CNTN6: variants seen among roughly 807,000 people sequenced by gnomAD.
The protein encoded by CNTN6 is contactin 6.
In CNTN6, 137 loss-of-function variants were observed where a neutral mutation model predicts 122.8. That is an observed-to-expected ratio of 1.12 (90% CI 0.97 to 1.29). The LOEUF (loss-of-function observed/expected upper bound fraction) is 1.29. Among genes scored for constraint, CNTN6 ranks in the 50% most tolerant of loss-of-function variants. The pLI is 0.00. For synonymous variants in CNTN6, 570 were observed against 426.0 expected (o/e 1.34, Z -4.16); for missense variants, 1,634 against 1,223.4 (o/e 1.34, Z -5.01).
chr3:1,110,213 G>C (rs544596162), intron 1 of CNTN6, among the ~76,000 whole-genome samples: 1 of 152,120 alleles, frequency 6.6e-6, no homozygotes, highest in Admixed American at 6.6e-5. Flanking sequence ...GTCAGAAGAA[G>C]AGAATTGCTT....
chr3:1,252,858 G>A (rs1000400827), intron 4 of CNTN6, among the ~76,000 whole-genome samples: 2 of 152,080 alleles, frequency 1.3e-5, no homozygotes, highest in African/African-American at 2.4e-5. Context: ...TTCAGGCTGG[G>A]CCACTGTAAA....
intron 2 of CNTN6, among the ~76,000 whole-genome samples, chr3:1,188,230 G>A (rs1203534661): frequency 3.3e-5 from 5 of 152,118 alleles, no homozygotes; most frequent in Non-Finnish European, 7.3e-5. Context: ...CCCAGAACTG[G>A]AGGGGAATGC....
chr3:1,237,379 G>T (rs190246861), intron 4 of CNTN6, among the ~76,000 whole-genome samples: 1 of 152,080 alleles, frequency 6.6e-6, no homozygotes, highest in African/African-American at 2.4e-5. Context: ...AATGAGCAAA[G>T]CTTCCAAGAA....
chr3:1,368,143 A>T (rs1708497497), intron 12 of CNTN6, among the ~76,000 whole-genome samples: 1 of 152,214 alleles, frequency 6.6e-6, no homozygotes, highest in Admixed American at 6.5e-5. Flanking sequence ...GCTTTGGGGA[A>T]ACCAATAATT....
In CNTN6 at chr3:1,403,415, C is replaced by G; in HGVS notation, c.3084C>G (p.Ile1028Met). The G allele has an allele frequency of 1.9e-6, 3 of 1,584,752 alleles. No homozygotes were observed. Among genetic ancestry groups the G allele is most frequent in the Non-Finnish European group, 2.6e-6 (3 of 1,154,746 alleles). The change falls in exon 23 of 23, where the codon ATC (isoleucine) becomes ATG (methionine). Residue 1028 changes from isoleucine to methionine, a missense_variant. By Grantham distance (10) the Ile-to-Met change is conservative. Coordinates refer to ENST00000446702, the MANE Select transcript of CNTN6 (RefSeq NM_001289080.2). ...ACTGTTTTGCTATTCAGCCACTTAT[C>G]TGATGAATAAAACCATAAATCTTTG... ...IFHCFAIQPLI is the reference protein window; with the variant it reads ...IFHCFAIQPLM
intron 2 of CNTN6, among the ~76,000 whole-genome samples, chr3:1,187,342 G>A (rs2093643423): frequency 6.6e-6 from 1 of 151,960 alleles, no homozygotes; most frequent in Non-Finnish European, 1.5e-5. Flanking sequence ...GGAAGCCAAT[G>A]AGGATGAAAT....
rs368882515 is a variant in CNTN6, at chr3:1,306,802, G to T, written c.761+8811G>T. ...GCTGCTTTGACTGAGGAGGTAAAAA[G>T]GAACATGTAAGAAGGAGCGAAGTGG... is the stretch of plus-strand genomic sequence containing the variant. On this transcript the variant is annotated intron_variant, in intron 7 of 22. Coordinates refer to ENST00000446702, the MANE Select transcript of CNTN6 (RefSeq NM_001289080.2). 5.3e-5 allele frequency among the ~76,000 whole-genome samples: 8 copies of T among 152,170 alleles called. No homozygotes were observed. In the East Asian group the frequency reaches 1.5e-3, roughly 29 times the overall value.
At chr3:1,399,192 C>T (rs556631989) in intron 20 of CNTN6, among the ~76,000 whole-genome samples, 1 of 152,052 alleles carries the variant, frequency 6.6e-6, no homozygotes, top group South Asian at 2.1e-4. Context: ...AATGTTAGTG[C>T]TGAATTTTAA....
chr3:1,235,774 C>T (rs374137744), intron 4 of CNTN6, among the ~76,000 whole-genome samples: 1 of 152,088 alleles, frequency 6.6e-6, no homozygotes, highest in African/African-American at 2.4e-5. Context: ...TGTGAGTCGG[C>T]TTGCTTTCTC....
At chr3:1,284,936 C>G (rs914406372) in intron 5 of CNTN6, among the ~76,000 whole-genome samples, 2 of 152,170 alleles carry the variant, frequency 1.3e-5, no homozygotes, top group African/African-American at 4.8e-5. Context: ...AATGAGGACA[C>G]ACAGCCTTAC....
At chr3:1,359,636 A>G (rs1474133859) in intron 12 of CNTN6, among the ~76,000 whole-genome samples, 1 of 152,136 alleles carries the variant, frequency 6.6e-6, no homozygotes, top group Non-Finnish European at 1.5e-5. Flanking sequence ...TTTAATCTGT[A>G]GATACACGTG....
At chr3:1,294,138 C>T (rs1695804154) in intron 5 of CNTN6, among the ~76,000 whole-genome samples, 1 of 152,152 alleles carries the variant, frequency 6.6e-6, no homozygotes, top group African/African-American at 2.4e-5. Flanking sequence ...TACAGACAGT[C>T]TTAGACAAGG....
intron 11 of CNTN6, among the ~76,000 whole-genome samples, chr3:1,330,478 A>G (rs1559844142): frequency 6.6e-6 from 1 of 151,900 alleles, no homozygotes; most frequent in African/African-American, 2.4e-5. Context: ...TTGACAAAAG[A>G]AAACAAACAA....
chr3:1,294,776 C>G (rs1695926491), intron 5 of CNTN6, among the ~76,000 whole-genome samples: 1 of 152,294 alleles, frequency 6.6e-6, no homozygotes, highest in Admixed American at 6.5e-5. Flanking sequence ...TTTCTGATGA[C>G]ACATCATTCT....
intron 3 of CNTN6, among the ~76,000 whole-genome samples, chr3:1,226,561 CAAG>C (rs1481156076): frequency 1.3e-5 from 2 of 152,060 alleles, no homozygotes; most frequent in African/African-American, 4.8e-5. Flanking sequence ...ACAGAGAAAT[CAAG>C]AAGAATTGGA....
chr3:1,291,975 G>C (rs1235338511), intron 5 of CNTN6, among the ~76,000 whole-genome samples: 1 of 152,008 alleles, frequency 6.6e-6, no homozygotes, highest in Non-Finnish European at 1.5e-5. Context: ...GAATGTTGAG[G>C]CTGAAGGAAA....
chr3:1,285,091 A>C (rs938743946), intron 5 of CNTN6, among the ~76,000 whole-genome samples: 1 of 152,230 alleles, frequency 6.6e-6, no homozygotes, highest in African/African-American at 2.4e-5. Flanking sequence ...CAAGAACATA[A>C]GCAGTTAAAA....
chr3:1,263,733 G>A lies in CNTN6; in HGVS notation c.359-14680G>A, dbSNP rs1042138173. Among the ~76,000 whole-genome samples, 28 of 151,750 alleles carry A rather than the reference G, an allele frequency of 1.8e-4. 1 individual carries two copies. The highest frequency in any genetic ancestry group is 3.8e-4 in the Non-Finnish European group (26 of 67,980). On this transcript the variant is annotated intron_variant, in intron 4 of 22. Transcript: ENST00000446702. ...TGCTTTTTGCAAACACTGAACTCGC[G>A]GGAAAACAAGGTCCCTGTTTTCGTG...
intron 20 of CNTN6, among the ~76,000 whole-genome samples, chr3:1,386,123 T>TTTATC: frequency 6.6e-6 from 1 of 152,284 alleles, no homozygotes; most frequent in African/African-American, 2.4e-5. Context: ...TTAGGTGGTA[T>TTTATC]TTATCTTTGA....
Sources: gnomAD v4.1 joint callset for allele counts (sites outside exome capture counted in the v4.1 genomes callset) on GRCh38, gnomAD v4.1.1 for gene constraint, MANE v1.5 for transcripts, NCBI Gene and HGNC (gene_info 2026-07-23, HGNC 2026-07-21) for gene names.